SMG9: variants seen among roughly 807,000 people sequenced by gnomAD.
SMG9 encodes nonsense-mediated mRNA decay factor SMG9.
SMG9 carries 55 observed loss-of-function variants against 64.0 expected under a neutral mutation model. The ratio of observed to expected loss-of-function variants is 0.86; its 90% CI spans 0.69 to 1.08. The LOEUF is 1.08. SMG9 is among the 50% of genes least tolerant of loss of function. The probability of loss-of-function intolerance (pLI) is 0.00; values close to 1 mark genes in which losing one functional copy is unlikely to be tolerated. For synonymous variants in SMG9, 244 were observed against 254.8 expected, an observed-to-expected ratio of 0.96 and a Z score of 0.41; for missense variants, 554 against 681.3, an observed-to-expected ratio of 0.81 and a Z score of 2.08.
rs532232765 is a variant in SMG9 at position 43,750,299 on chromosome 19, G to A, written c.150+293C>T. On this transcript the variant is annotated intron_variant, in intron 2 of 13. Coordinates refer to ENST00000270066, the MANE Select transcript of SMG9 (RefSeq NM_019108.4). The stretch of plus-strand genomic sequence containing the variant: ...ACACGCCAGATATGGGCCACCTCAG[G>A]GCCTCTGCGCTTGCTGTTCTTTCTG... 5.7e-4 allele frequency: 341 copies of A among 595,668 alleles called. 1 individual carries two copies. Among genetic ancestry groups the A allele is most frequent in the Non-Finnish European group, 9.6e-4 (299 of 309,864 alleles). The allele number at this position is 595,668 out of a possible 1,614,324, so 36.9% of individuals were successfully genotyped here.
At chr19:43,747,563 A>T in intron 4 of SMG9, 24 bp from the exon 5 acceptor site, 1 of 1,614,148 alleles carries the variant, frequency 6.2e-7, no homozygotes, top group Non-Finnish European at 8.5e-7. Flanking sequence ...AAAGCAGGAG[A>T]CAGAGGATGC....
At chr19:43,740,559 A>G (rs1456215353) in intron 6 of SMG9, among the ~76,000 whole-genome samples, 2 of 152,078 alleles carry the variant, frequency 1.3e-5, no homozygotes, top group African/African-American at 2.4e-5. Flanking sequence ...ACCTTTTTCC[A>G]TCAGTTTCCT....
intron 5 of SMG9, among the ~76,000 whole-genome samples, chr19:43,747,029 G>C (rs1969033571): frequency 1.3e-5 from 2 of 152,004 alleles, no homozygotes; most frequent in Non-Finnish European, 2.9e-5. Flanking sequence ...TGTTGCCCAG[G>C]CTGGTCTTGA....
In SMG9 at chr19:43,731,602, C is replaced by T. The variant is rs971776886; in HGVS notation, c.1557G>A (p.Leu519=). Reference sequence around the variant, plus strand: ...GACATTCCTCTCCTTGGCCTCAGGCCAGCAGGCGGCTGTACTCTGCCAGAG... The same window carrying T: ...GACATTCCTCTCCTTGGCCTCAGGCTAGCAGGCGGCTGTACTCTGCCAGAG... ...SSALAEYSRL[L]A Residue 519 remains leucine (L), a synonymous_variant, in exon 14 of 14, where the codon CTG becomes CTA. Transcript: ENST00000270066. 2 of 1,614,136 alleles carry T rather than the reference C, an allele frequency of 1.2e-6. No individual in the cohort carries two copies. Among genetic ancestry groups the T allele is most frequent in the Non-Finnish European group, 1.7e-6 (2 of 1,180,060 alleles).
intron 6 of SMG9, among the ~76,000 whole-genome samples, chr19:43,744,004 A>T (rs1489018176): frequency 6.6e-6 from 1 of 152,092 alleles, no homozygotes; most frequent in Non-Finnish European, 1.5e-5. Flanking sequence ...CCTTAATGAG[A>T]TGTGTATCTC....
chr19:43,748,358 G>A (rs1176611050), intron 2 of SMG9, among the ~76,000 whole-genome samples: 1 of 152,224 alleles, frequency 6.6e-6, no homozygotes, highest in Non-Finnish European at 1.5e-5. Context: ...GAGCTAGACA[G>A]GTCTGGGTGC....
intron 5 of SMG9, among the ~76,000 whole-genome samples, chr19:43,747,211 G>C (rs1366831843): frequency 6.6e-6 from 1 of 152,178 alleles, no homozygotes; most frequent in Non-Finnish European, 1.5e-5. Flanking sequence ...GTGGTAGTGA[G>C]AGTACTTCTT....
chr19:43,751,899 C>T (rs1430346405), intron 1 of SMG9, among the ~76,000 whole-genome samples: 1 of 152,184 alleles, frequency 6.6e-6, no homozygotes, highest in Non-Finnish European at 1.5e-5. Context: ...AAAACTATTC[C>T]CAACTATTAA....
intron 6 of SMG9, among the ~76,000 whole-genome samples, chr19:43,741,866 T>C (rs1471186015): frequency 6.6e-6 from 1 of 151,922 alleles, no homozygotes; most frequent in East Asian, 1.9e-4. Context: ...AAAAAAAATA[T>C]TAAGGGCATG....
chr19:43,745,468 CA>C (rs1298566356), intron 5 of SMG9, among the ~76,000 whole-genome samples: 1 of 152,218 alleles, frequency 6.6e-6, no homozygotes, highest in Non-Finnish European at 1.5e-5. Context: ...CTTTCACCAC[CA>C]GGGGGTGTAA....
intron 1 of SMG9, among the ~76,000 whole-genome samples, chr19:43,753,792 A>G (rs572193647): frequency 5.3e-5 from 8 of 151,494 alleles, no homozygotes; most frequent in Non-Finnish European, 1.2e-4. Context: ...GAGCTTCCAC[A>G]GTATCTGAAT....
rs138206363 is a variant in SMG9 at position 43,746,135 on chromosome 19, T to C, written c.589-1251A>G. On this transcript the variant is annotated intron_variant, in intron 5 of 13. Coordinates refer to ENST00000270066, the MANE Select transcript of SMG9 (RefSeq NM_019108.4). ...TTGCAGTGAGCCGAGATGGTGCCAC[T>C]GCACTCCAGCCTAGGCAACAGAGCG... Among the ~76,000 whole-genome samples, 1,159 of 152,328 alleles carry C rather than the reference T, an allele frequency of 7.6e-3. 13 individuals carry two copies. Among genetic ancestry groups the C allele is most frequent in the African/African-American group, 0.026 (1,085 of 41,574 alleles).
chr19:43,740,113 G>C lies in SMG9; in HGVS notation c.807C>G (p.Asp269Glu). ...AGGCAGGCGGGGCTGGCACCTGTGT[G>C]TCCAGGAAAACAATCCGTTCTTGGG... ...FITQERIVFL[D>E]TQPILSPSIL... The change falls in exon 7 of 14, where the codon GAC becomes GAG. Residue 269 changes from aspartate to glutamate, a missense_variant. Coordinates refer to ENST00000270066, the MANE Select transcript of SMG9 (RefSeq NM_019108.4). 1 of 1,610,516 alleles carries C rather than the reference G, an allele frequency of 6.2e-7. No homozygotes were observed. Among genetic ancestry groups the C allele is most frequent in the South Asian group, 1.1e-5 (1 of 91,016 alleles).
Position 43,728,903 on chromosome 19 carries a change from T to C in SMG9, c.*2693A>G. The C allele has an allele frequency of 1.3e-6, 1 of 793,054 alleles. No homozygotes were observed. The highest frequency in any genetic ancestry group is 5.8e-5 in the South Asian group (1 of 17,364). 49.1% of individuals were successfully genotyped at this position (793,054 alleles called of 1,614,324 possible). A position where few individuals can be genotyped will look rare whatever the true frequency, so the allele number is the denominator to read the frequency against. On this transcript the variant is annotated 3_prime_UTR_variant, in exon 14 of 14. Coordinates refer to ENST00000270066, the MANE Select transcript of SMG9 (RefSeq NM_019108.4). ...CGTGAGTTCCACCTGCTGGGAATGA[T>C]GAAGGGACTGGAGAGCCACAAGCAG...
chr19:43,735,659 G>T (rs1043103984), intron 9 of SMG9, among the ~76,000 whole-genome samples: 2 of 150,124 alleles, frequency 1.3e-5, no homozygotes, highest in African/African-American at 4.9e-5. Flanking sequence ...TTTTTTAGTG[G>T]AATTTTCAGT....
intron 8 of SMG9, 126 bp from the exon 9 acceptor site, chr19:43,737,808 C>T: frequency 1.1e-6 from 1 of 874,920 alleles, no homozygotes; most frequent in Non-Finnish European, 1.8e-6. Flanking sequence ...TACTGTGTGC[C>T]CAGCACTGTG....
chr19:43,733,278 C>G (rs1431200635), intron 12 of SMG9, 46 bp downstream of exon 12: 1 of 1,597,432 alleles, frequency 6.3e-7, no homozygotes, highest in Non-Finnish European at 8.5e-7. Context: ...TCTCTCTGAT[C>G]AGGATAGGAC....
rs368024820 is a variant in SMG9 at position 43,731,585 on chromosome 19, T to C, written c.*11A>G. 3 of 1,614,094 alleles carry C rather than the reference T, an allele frequency of 1.9e-6. No homozygotes were observed. The highest frequency in any genetic ancestry group is 1.1e-5 in the South Asian group (1 of 91,082). On this transcript the variant is annotated 3_prime_UTR_variant, in exon 14 of 14. Transcript: ENST00000270066. Reference sequence around the variant, plus strand: ...CAGGAGGTCCCCTGCATGACATTCCTCTCCTTGGCCTCAGGCCAGCAGGCG... The same window carrying C: ...CAGGAGGTCCCCTGCATGACATTCCCCTCCTTGGCCTCAGGCCAGCAGGCG...
intron 6 of SMG9, among the ~76,000 whole-genome samples, chr19:43,740,788 T>G (rs1968823205): frequency 6.6e-6 from 1 of 152,014 alleles, no homozygotes; most frequent in Non-Finnish European, 1.5e-5. Flanking sequence ...CCCAGCATCT[T>G]CCCCTGTCAG....
Sources: gnomAD v4.1 joint callset for allele counts (sites outside exome capture counted in the v4.1 genomes callset) on GRCh38, gnomAD v4.1.1 for gene constraint, MANE v1.5 for transcripts, NCBI Gene and HGNC (gene_info 2026-07-23, HGNC 2026-07-21) for gene names.